BBS2: variants seen among roughly 807,000 people sequenced by gnomAD.
BBS2 encodes BBSome complex member BBS2.
Under a neutral mutation model 83.0 loss-of-function variants are expected in BBS2, and 62 were observed. The observed-to-expected ratio is 0.75, with a 90% CI of 0.61 to 0.92. The LOEUF (loss-of-function observed/expected upper bound fraction) is 0.92, where lower values mean the gene tolerates loss of function less well. BBS2 is among the 40% of genes least tolerant of loss of function. BBS2 has a pLI of 0.00. For missense variants in BBS2, 784 were observed against 901.0 expected (o/e 0.87, Z 1.66); for synonymous variants, 303 against 326.1 (o/e 0.93, Z 0.76).
At chr16:56,500,624 C>CAAA (rs1304358431) in intron 11 of BBS2, 104 of 294,628 alleles carry the variant, frequency 3.5e-4, no homozygotes, top group Middle Eastern at 9.7e-4. Flanking sequence ...GAATCTGTCT[C>CAAA]AAAAAAAAAA....
intron 15 of BBS2, among the ~76,000 whole-genome samples, chr16:56,487,019 C>T (rs998256805): frequency 2.0e-5 from 3 of 152,020 alleles, no homozygotes; most frequent in African/African-American, 7.2e-5. Flanking sequence ...CCACCTTGGC[C>T]TCCCAAAATG....
chr16:56,501,114 T>C (rs1964258348), intron 10 of BBS2, 89 bp from the exon 11 acceptor site: 1 of 1,469,484 alleles, frequency 6.8e-7, no homozygotes, highest in South Asian at 1.1e-5. Context: ...GTCGAGACCA[T>C]CTTGGCTAAC....
At chr16:56,512,356 T>G (rs957861933) in intron 2 of BBS2, among the ~76,000 whole-genome samples, 2 of 152,048 alleles carry the variant, frequency 1.3e-5, no homozygotes, top group African/African-American at 4.8e-5. Context: ...CAAGATAAAT[T>G]AAAACATATA....
intron 15 of BBS2, among the ~76,000 whole-genome samples, chr16:56,492,107 T>C (rs1002316496): frequency 1.3e-5 from 2 of 151,652 alleles, no homozygotes; most frequent in Non-Finnish European, 2.9e-5. Context: ...AAAAATGTAA[T>C]CAAAAAATTA....
chr16:56,483,843 GTGT>G (rs1210195216), downstream of BBS2, among the ~76,000 whole-genome samples: 1 of 150,614 alleles, frequency 6.6e-6, no homozygotes, highest in Non-Finnish European at 1.5e-5. Flanking sequence ...GGGATTGTAG[GTGT>G]CCACCACCAA....
chr16:56,512,596 T>A (rs1289464107), intron 2 of BBS2, among the ~76,000 whole-genome samples: 1 of 152,186 alleles, frequency 6.6e-6, no homozygotes, highest in African/African-American at 2.4e-5. Context: ...ACAAGTATTA[T>A]GTTAAGTGAA....
intron 15 of BBS2, among the ~76,000 whole-genome samples, chr16:56,494,125 ATTT>A (rs774708101): frequency 8.3e-6 from 1 of 120,144 alleles, no homozygotes; most frequent in Admixed American, 8.5e-5. Flanking sequence ...TGCCCAGCTA[ATTT>A]TTTTTTTTTT....
At chr16:56,491,905 T>A (rs1268035959) in intron 15 of BBS2, among the ~76,000 whole-genome samples, 1 of 151,670 alleles carries the variant, frequency 6.6e-6, no homozygotes. Context: ...TTCACCTTTG[T>A]CAGGATGAAA....
chr16:56,510,791 T>C, intron 4 of BBS2, 68 bp downstream of exon 4: 1 of 1,534,428 alleles, frequency 6.5e-7, no homozygotes, highest in Non-Finnish European at 9.0e-7. Flanking sequence ...CTGTCAACAC[T>C]AATGTCACTG....
chr16:56,492,385 TTACACTGAGTGAAA>T (rs1199181106), intron 15 of BBS2, among the ~76,000 whole-genome samples: 1 of 152,210 alleles, frequency 6.6e-6, no homozygotes, highest in Non-Finnish European at 1.5e-5. Flanking sequence ...TCTGAGGATG[TTACACTGAGTGAAA>T]TAAGCCAGTC....
At chr16:56,505,405 C>T (rs1243954064) in intron 7 of BBS2, among the ~76,000 whole-genome samples, 7 of 152,168 alleles carry the variant, frequency 4.6e-5, no homozygotes, top group Non-Finnish European at 1.0e-4. Flanking sequence ...AAATGGTATC[C>T]ATGGAGATCT....
At chr16:56,499,699 T>C in intron 12 of BBS2, 79 bp downstream of exon 12, 1 of 1,583,940 alleles carries the variant, frequency 6.3e-7, no homozygotes. Context: ...CACATTAATG[T>C]AATTTTCCCT....
chr16:56,493,363 G>A (rs1356293280), intron 15 of BBS2, among the ~76,000 whole-genome samples: 1 of 140,682 alleles, frequency 7.1e-6, no homozygotes. Flanking sequence ...TCCAGCCTGG[G>A]TGACAGCAAG....
Position 56,499,902 on chromosome 16 carries a change from T to TGG in BBS2, c.1401_1402dup (p.Gln468ProfsTer20). On this transcript the variant is annotated frameshift_variant, in exon 12 of 17. Transcript: ENST00000245157. LOFTEE classifies it high-confidence loss of function. ...TCTTGTCGATTCAAATACATGAAAC[T>TGG]GGGTGCTATGGCCAATCAATGAAAC... 6.2e-7 allele frequency: 1 copy of TGG among 1,614,036 alleles called. No individual in the cohort carries two copies. Among genetic ancestry groups the TGG allele is most frequent in the Non-Finnish European group, 8.5e-7 (1 of 1,179,958 alleles).
In BBS2 at chr16:56,499,758, G is replaced by A; in HGVS notation, c.1527+20C>T. On this transcript the variant is annotated intron_variant, in intron 12 of 16. Transcript: ENST00000245157. ...ATTCTACTGTGTAAAAGCATTGAAAGAGAAAAGCGAGATACTCACCCTCTG... is the reference window on the plus strand; with the variant it reads ...ATTCTACTGTGTAAAAGCATTGAAAAAGAAAAGCGAGATACTCACCCTCTG... 1 of 1,613,870 alleles carries A rather than the reference G, an allele frequency of 6.2e-7. No individual in the cohort carries two copies. Among genetic ancestry groups the A allele is most frequent in the Non-Finnish European group, 8.5e-7 (1 of 1,179,872 alleles).
Position 56,514,514 on chromosome 16 carries a change from C to A in BBS2, c.284G>T (p.Gly95Val). 3.7e-6 allele frequency: 6 copies of A among 1,614,000 alleles called. No homozygotes were observed. The highest frequency in any genetic ancestry group is 1.3e-5 in the African/African-American group (1 of 74,994). ...ATAAGCCAAAAGATTAGTCTGTGTC[C>A]CCACTAAAAGGGCATCATAGCCAAG... ...PELGYDALLV[G>V]TQTNLLAYDV... The change falls in exon 2 of 17, where the codon GGG (glycine) becomes GTG (valine). Residue 95 changes from glycine to valine, a missense_variant. Gly to Val is a moderately radical substitution (Grantham distance 109). Transcript: ENST00000245157.
chr16:56,470,418 C>G (rs779671246), downstream of BBS2: 14 of 1,359,134 alleles, frequency 1.0e-5, no homozygotes, highest in Non-Finnish European at 1.4e-5. Flanking sequence ...AGCTAACGAT[C>G]AGCTTTTATT....
At chr16:56,489,803 AG>A (rs1254532370) in intron 15 of BBS2, among the ~76,000 whole-genome samples, 3 of 143,576 alleles carry the variant, frequency 2.1e-5, no homozygotes, top group African/African-American at 7.6e-5. Context: ...TCCATCTCAA[AG>A]AAAAAAAAAA....
chr16:56,479,774 G>A (rs137966355), downstream of BBS2, among the ~76,000 whole-genome samples: 1 of 152,354 alleles, frequency 6.6e-6, no homozygotes, highest in Non-Finnish European at 1.5e-5. Flanking sequence ...GCCTGGGCCT[G>A]CAACCGCTCC....
Sources: gnomAD v4.1 joint callset for allele counts (sites outside exome capture counted in the v4.1 genomes callset) on GRCh38, gnomAD v4.1.1 for gene constraint, MANE v1.5 for transcripts, NCBI Gene and HGNC (gene_info 2026-07-23, HGNC 2026-07-21) for gene names.